Variants in CAMTA1 observed in about 807,000 individuals in gnomAD.
CAMTA1 encodes calmodulin binding transcription activator 1.
In CAMTA1, 27 loss-of-function variants were observed where a neutral mutation model predicts 170.9. The observed-to-expected ratio is 0.16, with a 90% CI of 0.12 to 0.22. The LOEUF is 0.22. CAMTA1 is among the 10% of genes least tolerant of loss of function. The probability of loss-of-function intolerance (pLI) is 1.00; values close to 1 mark genes in which losing one functional copy is unlikely to be tolerated. For missense variants in CAMTA1, 1,619 were observed against 2,217.2 expected (o/e 0.73, Z 5.42); for synonymous variants, 833 against 891.5 (o/e 0.93, Z 1.17).
At chr1:7,620,936 G>A (rs150294518) in intron 6 of CAMTA1, among the ~76,000 whole-genome samples, 12 of 152,360 alleles carry the variant, frequency 7.9e-5, no homozygotes, top group African/African-American at 2.9e-4. Flanking sequence ...CAGGGAGGAG[G>A]TGTTGGAGGA....
At chr1:7,394,811 TTGTGTGTGTGTG>T (rs61154098) in intron 5 of CAMTA1, among the ~76,000 whole-genome samples, 5 of 147,536 alleles carry the variant, frequency 3.4e-5, no homozygotes, top group South Asian at 2.2e-4. Context: ...TTTCTTGTAG[TTGTGTGTGTGTG>T]TGTGTGTGTG....
rs913776165 is a variant in CAMTA1 at position 7,044,407 on chromosome 1, C to T, written c.235-46897C>T. On this transcript the variant is annotated intron_variant, in intron 3 of 22. Coordinates refer to ENST00000303635, the MANE Select transcript of CAMTA1 (RefSeq NM_015215.4). The surrounding 1 kb of genome is among the most constrained non-coding windows in gnomAD (Gnocchi z 5.0). Reference sequence around the variant, plus strand: ...GCAGTACTGCTGGGGACGCCGAGGACGCAGAGCCGTGCCACTGGGGACCCC... The same window carrying T: ...GCAGTACTGCTGGGGACGCCGAGGATGCAGAGCCGTGCCACTGGGGACCCC... Among the ~76,000 whole-genome samples the T allele has an allele frequency of 3.9e-5, 6 of 152,162 alleles. No individual in the cohort carries two copies. The highest frequency in any genetic ancestry group is 7.4e-5 in the Non-Finnish European group (5 of 68,024).
intron 6 of CAMTA1, among the ~76,000 whole-genome samples, chr1:7,488,530 A>G (rs947676): frequency 0.58 from 88,825 of 152,054 alleles, 26,602 homozygotes; most frequent in East Asian, 0.74. Flanking sequence ...TACACACAAT[A>G]CACATGCACA....
At chr1:6,960,483 G>A (rs916917986) in intron 3 of CAMTA1, among the ~76,000 whole-genome samples, 1 of 152,166 alleles carries the variant, frequency 6.6e-6, no homozygotes, top group Non-Finnish European at 1.5e-5. Context: ...TCTTGGCACT[G>A]GGTCCAGATT....
At chr1:7,544,168 T>A (rs967035958) in intron 6 of CAMTA1, among the ~76,000 whole-genome samples, 1 of 152,094 alleles carries the variant, frequency 6.6e-6, no homozygotes, top group African/African-American at 2.4e-5. Flanking sequence ...GGCCTCAGAA[T>A]CATGGTGGGA....
chr1:6,793,063 CCA>C (rs1641589187), intron 1 of CAMTA1, among the ~76,000 whole-genome samples: 1 of 151,700 alleles, frequency 6.6e-6, no homozygotes. Flanking sequence ...TATATATACC[CCA>C]CTCTTATATA....
intron 5 of CAMTA1, among the ~76,000 whole-genome samples, chr1:7,292,148 A>G (rs1673230915): frequency 6.6e-6 from 1 of 152,206 alleles, no homozygotes; most frequent in Non-Finnish European, 1.5e-5. Flanking sequence ...CAGAAATGAA[A>G]TATTTTTAAA....
intron 5 of CAMTA1, among the ~76,000 whole-genome samples, chr1:7,339,869 T>C (rs1407425185): frequency 1.3e-5 from 2 of 152,194 alleles, no homozygotes; most frequent in Non-Finnish European, 2.9e-5. Flanking sequence ...AGTGCTGGGA[T>C]TACAGGCATA....
chr1:6,854,148 A>G (rs1661397807), intron 3 of CAMTA1, among the ~76,000 whole-genome samples: 1 of 152,204 alleles, frequency 6.6e-6, no homozygotes, highest in East Asian at 1.9e-4. Flanking sequence ...CTGACTAAAT[A>G]TATGATGCTG....
At chr1:6,804,089 C>T (rs1362679474) in intron 1 of CAMTA1, among the ~76,000 whole-genome samples, 16 of 151,592 alleles carry the variant, frequency 1.1e-4, no homozygotes, top group Non-Finnish European at 2.1e-4. Flanking sequence ...GAGGCTGAGG[C>T]AGGAGAATCA....
At chr1:7,265,396 C>G (rs1668766931) in intron 5 of CAMTA1, among the ~76,000 whole-genome samples, 1 of 152,146 alleles carries the variant, frequency 6.6e-6, no homozygotes, top group Non-Finnish European at 1.5e-5. Flanking sequence ...TCACTGCAAC[C>G]TCTGCTTCCC....
chr1:6,912,815 G>A (rs1042359731), intron 3 of CAMTA1, among the ~76,000 whole-genome samples: 9 of 152,312 alleles, frequency 5.9e-5, no homozygotes, highest in African/African-American at 1.4e-4. Context: ...CTCCATGCCC[G>A]TCACTGAATC....
At chr1:7,160,809 T>C (rs552533979) in intron 4 of CAMTA1, among the ~76,000 whole-genome samples, 1 of 152,170 alleles carries the variant, frequency 6.6e-6, no homozygotes, top group South Asian at 2.1e-4. Context: ...ACTGTTTTCC[T>C]CTCTCCCCTG....
chr1:6,812,310 T>C (rs1019840703), intron 1 of CAMTA1, among the ~76,000 whole-genome samples: 1 of 152,218 alleles, frequency 6.6e-6, no homozygotes, highest in Non-Finnish European at 1.5e-5. Flanking sequence ...TTGTTACCCA[T>C]GTCTTGGTGT....
intron 4 of CAMTA1, among the ~76,000 whole-genome samples, chr1:7,160,184 G>A (rs2148752415): frequency 6.6e-6 from 1 of 152,262 alleles, no homozygotes; most frequent in African/African-American, 2.4e-5. Context: ...GGGAGGAAGA[G>A]GTTGCAGTGA....
intron 5 of CAMTA1, among the ~76,000 whole-genome samples, chr1:7,278,979 C>G (rs958833922): frequency 6.6e-6 from 1 of 151,316 alleles, no homozygotes; most frequent in African/African-American, 2.4e-5. Flanking sequence ...GTTAATGGGG[C>G]TGGGGAGGGC....
At chr1:7,016,560 G>A (rs111878480) in intron 3 of CAMTA1, among the ~76,000 whole-genome samples, 7,106 of 152,316 alleles carry the variant, frequency 0.047, 206 homozygotes, top group Non-Finnish European at 0.067. Context: ...CATGCTGGGC[G>A]TGGTGGCTCA....
chr1:7,427,561 T>C (rs1318217969), intron 5 of CAMTA1, among the ~76,000 whole-genome samples: 1 of 152,218 alleles, frequency 6.6e-6, no homozygotes, highest in Admixed American at 6.5e-5. Flanking sequence ...TGGGAATTCA[T>C]TGAAAGGAAG....
At position 7,440,515 on chromosome 1, in the gene CAMTA1, A is replaced by C. The variant is rs528007321; in HGVS notation, c.439-27315A>C. Among the ~76,000 whole-genome samples, 10 of 152,370 alleles carry C rather than the reference A, an allele frequency of 6.6e-5. No homozygotes were observed. In the South Asian group the frequency reaches 1.9e-3, roughly 28 times the overall value. ...GTTCAGAGTGAATATATTTTTTAAT[A>C]ATCGGTTTCCAAAATTAGTCTTTCT... is the stretch of plus-strand genomic sequence containing the variant. On this transcript the variant is annotated intron_variant, in intron 5 of 22. Transcript: ENST00000303635.
Sources: gnomAD v4.1 joint callset for allele counts (sites outside exome capture counted in the v4.1 genomes callset) on GRCh38, gnomAD v4.1.1 for gene constraint, Gnocchi (gnomAD v3.1) non-coding constraint, MANE v1.5 for transcripts, NCBI Gene and HGNC (gene_info 2026-07-23, HGNC 2026-07-21) for gene names.